The following GPC6 variants were observed in gnomAD, a reference collection of about 807,000 sequenced individuals.
GPC6 encodes the protein glypican-6.
GPC6 carries 14 observed loss-of-function variants against 55.2 expected under a neutral mutation model. The ratio of observed to expected loss-of-function variants is 0.25; its 90% CI spans 0.17 to 0.40. The LOEUF is 0.40. Among genes scored for constraint, GPC6 ranks in the 10% least tolerant of loss-of-function variants. The pLI is 1.00. For missense variants in GPC6, 641 were observed against 708.5 expected (o/e 0.90, Z 1.08); for synonymous variants, 278 against 259.6 (o/e 1.07, Z -0.68).
At chr13:94,025,654 A>G (rs750795023) in intron 3 of GPC6, 1 of 152,174 alleles carries the variant, frequency 6.6e-6, no homozygotes, top group Non-Finnish European at 1.5e-5. Flanking sequence ...TGGCATTAAT[A>G]TATCCTTAAA....
intron 2 of GPC6, among the ~76,000 whole-genome samples, chr13:93,688,823 A>G (rs527512271): frequency 6.6e-6 from 1 of 152,216 alleles, no homozygotes; most frequent in East Asian, 1.9e-4. Context: ...GGGAAGATGA[A>G]TAAGTTCTAG....
intron 1 of GPC6, among the ~76,000 whole-genome samples, chr13:93,472,100 T>C (rs1276001004): frequency 1.3e-5 from 2 of 152,270 alleles, no homozygotes; most frequent in Admixed American, 1.3e-4. Flanking sequence ...TCTTGGCCAC[T>C]TGACCATAGT....
Position 94,276,480 on chromosome 13 carries a change from A to T in GPC6, c.878-9869A>T, listed in dbSNP as rs368696305. 2.6e-4 allele frequency among the ~76,000 whole-genome samples: 31 copies of T among 121,124 alleles called. 1 individual carries two copies. The highest frequency in any genetic ancestry group is 9.0e-4 in the African/African-American group (28 of 31,020). 79.5% of individuals were successfully genotyped at this position (121,124 alleles called of 152,430 possible). A position where few individuals can be genotyped will look rare whatever the true frequency, so the allele number is the denominator to read the frequency against. On this transcript the variant is annotated intron_variant, in intron 4 of 8. Transcript: ENST00000377047. Reference sequence around the variant, plus strand: ...AAGGGCCTTTCTCATTTTTATTTTTATTTTATTTTAAGTTTCGGGATACAT... The same window carrying T: ...AAGGGCCTTTCTCATTTTTATTTTTTTTTTATTTTAAGTTTCGGGATACAT...
chr13:93,746,233 G>A (rs887202132), intron 2 of GPC6, among the ~76,000 whole-genome samples: 2 of 152,208 alleles, frequency 1.3e-5, no homozygotes, highest in Non-Finnish European at 2.9e-5. Flanking sequence ...GTCACAATGC[G>A]AAGGTCAGTG....
rs1324795247 is a variant in GPC6, at chr13:94,398,556, C to T, written c.1380C>T (p.Ile460=). 1.9e-6 allele frequency: 3 copies of T among 1,613,854 alleles called. No homozygotes were observed. The highest frequency in any genetic ancestry group is 3.3e-5 in the Admixed American group (2 of 60,030). ...ACATCACTCGGCCTGACACTTTCAT[C>T]AGACAGCAGATTATGGCTCTCCGTG... The part of the protein sequence containing the change: ...DVDITRPDTF[I]RQQIMALRVM... The change falls in exon 8 of 9, where the codon ATC becomes ATT. Residue 460 remains isoleucine (I), a synonymous_variant. Transcript: ENST00000377047.
At chr13:93,961,462 A>G (rs1263384839) in intron 3 of GPC6, among the ~76,000 whole-genome samples, 5 of 152,226 alleles carry the variant, frequency 3.3e-5, no homozygotes, top group Non-Finnish European at 1.5e-5. Flanking sequence ...TTTATATTCA[A>G]GTTAAAAGTA....
intron 1 of GPC6, among the ~76,000 whole-genome samples, chr13:93,473,766 G>T (rs1879209105): frequency 6.6e-6 from 1 of 152,112 alleles, no homozygotes; most frequent in Non-Finnish European, 1.5e-5. Flanking sequence ...ACCATCCCAG[G>T]CCCAGCTCCA....
At chr13:93,727,877 A>C (rs553774640) in intron 2 of GPC6, among the ~76,000 whole-genome samples, 1 of 152,162 alleles carries the variant, frequency 6.6e-6, no homozygotes, top group East Asian at 1.9e-4. Flanking sequence ...GCTGCTAAAC[A>C]TTCCTAACCA....
intron 3 of GPC6, among the ~76,000 whole-genome samples, chr13:93,860,921 G>C (rs1412128460): frequency 6.6e-6 from 1 of 151,414 alleles, no homozygotes; most frequent in Non-Finnish European, 1.5e-5. Context: ...TCATTAAAAG[G>C]GTGGGCTCAG....
chr13:94,328,535 C>T (rs541494237), intron 6 of GPC6, among the ~76,000 whole-genome samples: 1 of 152,352 alleles, frequency 6.6e-6, no homozygotes, highest in South Asian at 2.1e-4. Flanking sequence ...TGGTCTCACT[C>T]ATGGCAGCTG....
At chr13:94,003,931 G>T (rs1269593046) in intron 3 of GPC6, among the ~76,000 whole-genome samples, 1 of 152,108 alleles carries the variant, frequency 6.6e-6, no homozygotes, top group Non-Finnish European at 1.5e-5. Context: ...ATTTCCCTTG[G>T]TAGATGTGTC....
intron 2 of GPC6, among the ~76,000 whole-genome samples, chr13:93,546,326 T>C (rs1045930081): frequency 8.5e-5 from 13 of 152,116 alleles, no homozygotes; most frequent in African/African-American, 2.2e-4. Context: ...TTAGGAAAGG[T>C]TGGCCAAAGT....
At chr13:93,573,526 A>G in intron 2 of GPC6, among the ~76,000 whole-genome samples, 1 of 152,172 alleles carries the variant, frequency 6.6e-6, no homozygotes, top group East Asian at 1.9e-4. Context: ...GCTTTTATAT[A>G]GAAGAGATTT....
At chr13:93,582,227 C>T (rs1393305599) in intron 2 of GPC6, among the ~76,000 whole-genome samples, 1 of 152,246 alleles carries the variant, frequency 6.6e-6, no homozygotes, top group Middle Eastern at 3.4e-3. Flanking sequence ...GATCACTATT[C>T]CTCTTGATGC....
intron 1 of GPC6, among the ~76,000 whole-genome samples, chr13:93,281,690 A>C (rs2139068051): frequency 6.6e-6 from 1 of 152,244 alleles, no homozygotes; most frequent in South Asian, 2.1e-4. Context: ...GGTGGTGGGC[A>C]CCTATAATCC....
chr13:94,051,568 G>A lies in GPC6; in HGVS notation c.877+23674G>A, dbSNP rs139292600. On this transcript the variant is annotated intron_variant, in intron 4 of 8. Transcript: ENST00000377047. ...GTTTCCAAATTCCGTATTGCTGGAC[G>A]TGTTCAAAACGTATCCATTAAGTAT... Among the ~76,000 whole-genome samples, 500 of 152,194 alleles carry A rather than the reference G, an allele frequency of 3.3e-3. 6 individuals carry two copies. The highest frequency in any genetic ancestry group is 0.012 in the African/African-American group (486 of 41,536).
chr13:94,250,764 A>G (rs1335144881), intron 4 of GPC6, among the ~76,000 whole-genome samples: 2 of 152,138 alleles, frequency 1.3e-5, no homozygotes, highest in African/African-American at 4.8e-5. Context: ...AGATAAAACA[A>G]GATTGGCCGT....
At chr13:94,042,106 A>G (rs1883560530) in intron 4 of GPC6, among the ~76,000 whole-genome samples, 1 of 151,776 alleles carries the variant, frequency 6.6e-6, no homozygotes, top group Admixed American at 6.6e-5. Flanking sequence ...TAGTGAGTGA[A>G]TGAGTGAGTG....
At chr13:93,334,729 A>T (rs558636157) in intron 1 of GPC6, among the ~76,000 whole-genome samples, 1 of 152,270 alleles carries the variant, frequency 6.6e-6, no homozygotes, top group Non-Finnish European at 1.5e-5. Flanking sequence ...AGCCTCCCAA[A>T]GTGTTGCGAT....
Sources: allele counts gnomAD v4.1 joint callset (sites outside exome capture counted in the v4.1 genomes callset), GRCh38; gene constraint gnomAD v4.1.1; transcripts MANE v1.5; gene names NCBI Gene and HGNC (gene_info 2026-07-23, HGNC 2026-07-21).